The following ARHGEF10 variants were observed in gnomAD, a reference collection of about 807,000 sequenced individuals.
ARHGEF10 encodes Rho guanine nucleotide exchange factor (GEF) 10.
ARHGEF10 carries 140 observed loss-of-function variants against 147.4 expected under a neutral mutation model. The observed-to-expected ratio is 0.95, with a 90% confidence interval of 0.83 to 1.09. The LOEUF (loss-of-function observed/expected upper bound fraction) is 1.09, where lower values mean the gene tolerates loss of function less well. Ranked by LOEUF, ARHGEF10 falls within the 50% of genes least tolerant of loss-of-function variation. ARHGEF10 has a pLI of 0.00. For synonymous variants in ARHGEF10, 902 were observed against 695.8 expected, an observed-to-expected ratio of 1.30 and a Z score of -4.67; for missense variants, 2,222 against 1,752.7, an observed-to-expected ratio of 1.27 and a Z score of -4.78.
intron 18 of ARHGEF10, among the ~76,000 whole-genome samples, chr8:1,919,722 G>C (rs929620547): frequency 6.7e-6 from 1 of 149,534 alleles, no homozygotes; most frequent in African/African-American, 2.5e-5. Context: ...TTCTGTCAGT[G>C]ATGGAGCTGT....
At chr8:1,845,932 GC>G (rs1297295966) in intron 2 of ARHGEF10, among the ~76,000 whole-genome samples, 1 of 152,156 alleles carries the variant, frequency 6.6e-6, no homozygotes, top group African/African-American at 2.4e-5. Context: ...TGTCTCCATA[GC>G]CCCTCCCTCT....
chr8:1,955,475 ATCC>A (rs1815474035), intron 28 of ARHGEF10, among the ~76,000 whole-genome samples: 2 of 134,240 alleles, frequency 1.5e-5, no homozygotes, highest in African/African-American at 5.9e-5. Flanking sequence ...AGCTAGGAGC[ATCC>A]TGAAAGGAAG....
rs1283572324 is a variant in ARHGEF10, at chr8:1,862,091, G to T, written c.481+1907G>T. Among the ~76,000 whole-genome samples the T allele has an allele frequency of 3.9e-5, 6 of 152,230 alleles. No individual in the cohort carries two copies. The East Asian group carries it at 1.2e-3, about 29-fold the overall frequency. ...CGGTTGCGTTTTGATCATTGAATGAGGGATGTGAACGCAGACCTCCTTCCT... is the reference window on the plus strand; with the variant it reads ...CGGTTGCGTTTTGATCATTGAATGATGGATGTGAACGCAGACCTCCTTCCT... On this transcript the variant is annotated intron_variant, in intron 4 of 28. Coordinates refer to ENST00000349830, the MANE Select transcript of ARHGEF10 (RefSeq NM_014629.4).
chr8:1,953,470 G>C (rs1439960719), intron 28 of ARHGEF10, among the ~76,000 whole-genome samples: 1 of 152,272 alleles, frequency 6.6e-6, no homozygotes, highest in East Asian at 1.9e-4. Context: ...GCTCAGGCTG[G>C]AACACATGGC....
At chr8:1,902,111 C>T (rs1290103521) in intron 15 of ARHGEF10, among the ~76,000 whole-genome samples, 1 of 152,200 alleles carries the variant, frequency 6.6e-6, no homozygotes, top group East Asian at 1.9e-4. Flanking sequence ...TTAAGCCCCG[C>T]GTGCATTAGG....
At chr8:1,830,614 T>C (rs528226774) in intron 1 of ARHGEF10, among the ~76,000 whole-genome samples, 1 of 152,234 alleles carries the variant, frequency 6.6e-6, no homozygotes, top group Non-Finnish European at 1.5e-5. Flanking sequence ...TGCTAAGTAC[T>C]AAGTGCTCTC....
chr8:1,943,354 C>T (rs914506657), intron 26 of ARHGEF10, among the ~76,000 whole-genome samples: 7 of 152,150 alleles, frequency 4.6e-5, no homozygotes, highest in South Asian at 2.1e-4. Flanking sequence ...GCCAGTGCCG[C>T]GAGGAGGCCA....
intron 2 of ARHGEF10, among the ~76,000 whole-genome samples, chr8:1,845,896 G>C (rs1339671711): frequency 6.6e-6 from 1 of 152,202 alleles, no homozygotes; most frequent in African/African-American, 2.4e-5. Context: ...CCCTGCAGCA[G>C]GACACTCCTC....
chr8:1,852,646 T>C (rs1360965108), intron 2 of ARHGEF10, among the ~76,000 whole-genome samples: 1 of 152,228 alleles, frequency 6.6e-6, no homozygotes, highest in East Asian at 1.9e-4. Context: ...TAACTTAAAA[T>C]GGGCATGGTC....
rs570521224 is a variant in ARHGEF10 at position 1,933,756 on chromosome 8, C to T, written c.3080-44C>T. 2.6e-5 allele frequency: 42 copies of T among 1,612,808 alleles called. No individual in the cohort carries two copies. In the East Asian group the frequency reaches 8.7e-4, roughly 33 times the overall value. ...ATGACCCCATTTTCCCATTCCTGTG[C>T]ACAGAAAACTGAACTTGAATGAAAT... On this transcript the variant is annotated intron_variant, in intron 25 of 28. Coordinates refer to ENST00000349830, the MANE Select transcript of ARHGEF10 (RefSeq NM_014629.4).
chr8:1,947,001 A>G (rs1161399750), intron 27 of ARHGEF10, among the ~76,000 whole-genome samples: 5 of 152,358 alleles, frequency 3.3e-5, no homozygotes. Flanking sequence ...ATGCAAGTTT[A>G]TATTTAGAGA....
chr8:1,850,513 C>T (rs1458467545), intron 2 of ARHGEF10, among the ~76,000 whole-genome samples: 5 of 150,690 alleles, frequency 3.3e-5, no homozygotes, highest in Non-Finnish European at 7.4e-5. Flanking sequence ...CCCGCGTGGA[C>T]ACAGATGGCA....
At chr8:1,860,208 C>T (rs890180191) in intron 4 of ARHGEF10, 24 bp downstream of exon 4, 5 of 1,606,708 alleles carry the variant, frequency 3.1e-6, no homozygotes, top group Middle Eastern at 1.9e-4. Context: ...CCTCTCCACG[C>T]CCCCGAAGTG....
intron 18 of ARHGEF10, among the ~76,000 whole-genome samples, chr8:1,916,180 G>C (rs1811748715): frequency 6.6e-6 from 1 of 152,176 alleles, no homozygotes; most frequent in South Asian, 2.1e-4. Context: ...GACGGCCTGT[G>C]GACAGGGTCC....
intron 1 of ARHGEF10, among the ~76,000 whole-genome samples, chr8:1,840,785 TC>T (rs1052950114): frequency 2.6e-5 from 4 of 152,170 alleles, no homozygotes; most frequent in Non-Finnish European, 4.4e-5. Flanking sequence ...CAGCTTTCCC[TC>T]CAAGGATAAC....
chr8:1,838,392 C>G (rs1272418143), intron 1 of ARHGEF10, among the ~76,000 whole-genome samples: 3 of 152,086 alleles, frequency 2.0e-5, no homozygotes, highest in African/African-American at 7.3e-5. Flanking sequence ...GTCATCCAGG[C>G]CAGGCTGACG....
At chr8:1,931,620 C>T (rs1257527808) in intron 25 of ARHGEF10, among the ~76,000 whole-genome samples, 1 of 152,208 alleles carries the variant, frequency 6.6e-6, no homozygotes, top group Admixed American at 6.5e-5. Flanking sequence ...TGGTGAGGGA[C>T]GTGGCTGGCT....
chr8:1,873,943 C>G (rs898927947), intron 7 of ARHGEF10, among the ~76,000 whole-genome samples: 7 of 152,064 alleles, frequency 4.6e-5, no homozygotes, highest in Non-Finnish European at 8.8e-5. Context: ...GCATTAGGTA[C>G]GCTCACTGTA....
intron 11 of ARHGEF10, among the ~76,000 whole-genome samples, chr8:1,886,048 G>T (rs1169192662): frequency 6.6e-6 from 1 of 152,208 alleles, no homozygotes; most frequent in East Asian, 1.9e-4. Context: ...CACAGAGACA[G>T]AGTGTGGGTT....
Sources: gnomAD v4.1 joint callset for allele counts (sites outside exome capture counted in the v4.1 genomes callset) on GRCh38, gnomAD v4.1.1 for gene constraint, MANE v1.5 for transcripts, NCBI Gene and HGNC (gene_info 2026-07-23, HGNC 2026-07-21) for gene names.